PPP2R5C: variants seen among roughly 807,000 people sequenced by gnomAD.
PPP2R5C encodes the protein protein phosphatase 2 regulatory subunit B'gamma.
PPP2R5C carries 7 observed loss-of-function variants against 68.9 expected under a neutral mutation model. The observed-to-expected ratio is 0.10, with a 90% CI of 0.06 to 0.19. The LOEUF (loss-of-function observed/expected upper bound fraction) is 0.19. PPP2R5C is among the 10% of genes least tolerant of loss of function. The pLI is 1.00. For missense variants in PPP2R5C, 348 were observed against 641.3 expected (o/e 0.54, Z 4.94); for synonymous variants, 210 against 222.2 (o/e 0.95, Z 0.49).
chr14:101,763,083 T>G (rs2036640352), intron 2 of PPP2R5C, 113 bp downstream of exon 2: 1 of 899,828 alleles, frequency 1.1e-6, no homozygotes, highest in Non-Finnish European at 1.7e-6. Context: ...TATGTGAGGT[T>G]TTTTTTTTGT....
At chr14:101,826,855 A>G (rs1055644670) in intron 1 of PPP2R5C, among the ~76,000 whole-genome samples, 1 of 152,158 alleles carries the variant, frequency 6.6e-6, no homozygotes, top group Non-Finnish European at 1.5e-5. Context: ...GAAATGGTCC[A>G]TAAGGAACCC....
intron 1 of PPP2R5C, among the ~76,000 whole-genome samples, chr14:101,834,774 A>G (rs975983469): frequency 6.6e-5 from 10 of 151,792 alleles, no homozygotes; most frequent in Admixed American, 5.9e-4. Flanking sequence ...TCAGAAATCA[A>G]CTCTAATTGA....
intron 2 of PPP2R5C, among the ~76,000 whole-genome samples, chr14:101,774,645 G>A (rs191584391): frequency 6.6e-6 from 1 of 152,164 alleles, no homozygotes; most frequent in Non-Finnish European, 1.5e-5. Context: ...ACCAGTGACT[G>A]CCTCCGCAAA....
Position 101,915,052 on chromosome 14 carries a change from T to TTTTGGTTTGGTTTGG in PPP2R5C, c.1326+2589_1326+2603dup, listed in dbSNP as rs747682001. The stretch of plus-strand genomic sequence containing the variant: ...GAATGCACCTCAGTGAAGGTTTTTG[T>TTTTGGTTTGGTTTGG]TTTGGTTTGGTTTGGTTTGGTTTGA... On this transcript the variant is annotated intron_variant, in intron 12 of 13. Coordinates refer to ENST00000334743, the Ensembl canonical transcript of PPP2R5C. The surrounding 1 kb of genome is among the most constrained non-coding windows in gnomAD (Gnocchi z 4.2). Among the ~76,000 whole-genome samples the TTTTGGTTTGGTTTGG allele has an allele frequency of 1.3e-5, 2 of 151,966 alleles. No individual in the cohort carries two copies. The highest frequency in any genetic ancestry group is 2.9e-5 in the Non-Finnish European group (2 of 67,990).
At chr14:101,815,092 C>T (rs2039576433) in intron 1 of PPP2R5C, among the ~76,000 whole-genome samples, 1 of 152,192 alleles carries the variant, frequency 6.6e-6, no homozygotes, top group Admixed American at 6.5e-5. Flanking sequence ...TCTGTTCTCT[C>T]TCTGAATCTG....
intron 1 of PPP2R5C, among the ~76,000 whole-genome samples, chr14:101,852,458 A>ATTTTTTTTTTTTTTTTTTTTTTTTTTT (rs2042217307): frequency 8.2e-6 from 1 of 121,896 alleles, no homozygotes; most frequent in African/African-American, 3.1e-5. Flanking sequence ...CTTTTTTTTC[A>ATTTTTTTTTTTTTTTTTTTTTTTTTTT]TTTTCTTTTT....
At chr14:101,768,870 G>A (rs780398998) in intron 2 of PPP2R5C, among the ~76,000 whole-genome samples, 1 of 150,796 alleles carries the variant, frequency 6.6e-6, no homozygotes, top group African/African-American at 2.5e-5. Flanking sequence ...TGTCACCCAG[G>A]CTGGAGTGCA....
Position 101,762,781 on chromosome 14 carries a change from G to A in PPP2R5C, c.28-124G>A, listed in dbSNP as rs1028278936. 84 of 785,078 alleles carry A rather than the reference G, an allele frequency of 1.1e-4. 6 individuals are homozygous for A. In the South Asian group the frequency reaches 1.2e-3, roughly 12 times the overall value. The allele number at this position is 785,078 out of a possible 1,614,324, so 48.6% of individuals were successfully genotyped here. A position where few individuals can be genotyped will look rare whatever the true frequency, so the allele number is the denominator to read the frequency against. On this transcript the variant is annotated intron_variant, in intron 1 of 14. Transcript: ENST00000328724. ...CGGTATGATATAGAATTTCCTAATGGTATGAATTAAAAATATCAGAAGCTG... is the reference window on the plus strand; with the variant it reads ...CGGTATGATATAGAATTTCCTAATGATATGAATTAAAAATATCAGAAGCTG...
upstream of PPP2R5C, chr14:101,761,874 G>T: frequency 8.8e-7 from 1 of 1,138,054 alleles, no homozygotes; most frequent in Non-Finnish European, 1.1e-6. Context: ...CGGCGGCGGC[G>T]GCGGCGGCCC....
intron 1 of PPP2R5C, among the ~76,000 whole-genome samples, chr14:101,854,559 G>A (rs1230374024): frequency 1.3e-5 from 2 of 152,194 alleles, no homozygotes; most frequent in Non-Finnish European, 2.9e-5. Flanking sequence ...GAAGTTGACA[G>A]TAGGGGCAGG....
At chr14:101,847,663 CT>C (rs3043777) in intron 1 of PPP2R5C, among the ~76,000 whole-genome samples, 1,375 of 128,264 alleles carry the variant, frequency 0.011, 21 homozygotes, top group African/African-American at 0.036. Context: ...TGGGGCTGCT[CT>C]TTTTTTTTTT....
chr14:101,882,039 A>G lies in PPP2R5C; in HGVS notation c.295-122A>G. 1.4e-6 allele frequency: 1 copy of G among 730,960 alleles called. No homozygotes were observed. 45.3% of individuals were successfully genotyped at this position (730,960 alleles called of 1,614,324 possible). A position where few individuals can be genotyped will look rare whatever the true frequency, so the allele number is the denominator to read the frequency against. ...CCCACACAGCTTCTGCGTTTTGAGG[A>G]TACGGAGGAGCTAAGTTACCATGGG... On this transcript the variant is annotated intron_variant, in intron 2 of 13. Transcript: ENST00000334743. The surrounding 1 kb of genome is among the most constrained non-coding windows in gnomAD (Gnocchi z 4.9).
intron 2 of PPP2R5C, among the ~76,000 whole-genome samples, chr14:101,864,428 A>G (rs2042936284): frequency 6.6e-6 from 1 of 152,210 alleles, no homozygotes; most frequent in South Asian, 2.1e-4. Flanking sequence ...CCAAGAACTA[A>G]AATAATATAG....
intron 13 of PPP2R5C, chr14:101,922,303 A>G (rs2047050304): frequency 1.9e-6 from 1 of 513,278 alleles, no homozygotes; most frequent in African/African-American, 2.1e-5. Flanking sequence ...AGCCTGACCA[A>G]CATGGTGAAA....
At chr14:101,840,665 G>A (rs2041410782) in intron 1 of PPP2R5C, among the ~76,000 whole-genome samples, 1 of 152,058 alleles carries the variant, frequency 6.6e-6, no homozygotes, top group Non-Finnish European at 1.5e-5. Flanking sequence ...GTAGTAATTG[G>A]ATTTGGGGTT....
intron 2 of PPP2R5C, among the ~76,000 whole-genome samples, chr14:101,860,433 G>A (rs1171183985): frequency 2.0e-5 from 3 of 152,026 alleles, no homozygotes; most frequent in African/African-American, 4.8e-5. Context: ...ATTTATCCAC[G>A]TATCTGTTGA....
intron 1 of PPP2R5C, chr14:101,818,857 A>T: frequency 3.1e-6 from 2 of 651,594 alleles, no homozygotes; most frequent in Non-Finnish European, 5.3e-6. Context: ...AGGTTTTTTC[A>T]GTTTGTCATC....
intron 2 of PPP2R5C, among the ~76,000 whole-genome samples, chr14:101,775,119 G>A (rs973696573): frequency 6.6e-6 from 1 of 152,186 alleles, no homozygotes; most frequent in Non-Finnish European, 1.5e-5. Flanking sequence ...TCTGAAACCA[G>A]TACTAGCCAT....
chr14:101,769,160 T>A (rs2037019724), intron 2 of PPP2R5C, among the ~76,000 whole-genome samples: 1 of 152,236 alleles, frequency 6.6e-6, no homozygotes, highest in African/African-American at 2.4e-5. Flanking sequence ...AGCTCATCTA[T>A]CCAGAAACTT....
Sources: gnomAD v4.1 joint callset for allele counts (sites outside exome capture counted in the v4.1 genomes callset) on GRCh38, gnomAD v4.1.1 for gene constraint, Gnocchi (gnomAD v3.1) non-coding constraint, MANE v1.5 for transcripts, NCBI Gene and HGNC (gene_info 2026-07-23, HGNC 2026-07-21) for gene names.